The following CHRM3 variants were observed in gnomAD, a reference collection of about 807,000 sequenced individuals.
CHRM3 encodes muscarinic acetylcholine receptor M3.
Under a neutral mutation model 41.8 loss-of-function variants are expected in CHRM3, and 11 were observed. That is an observed-to-expected ratio of 0.26 (90% CI 0.17 to 0.44). CHRM3 has a LOEUF of 0.44. CHRM3 is among the 20% of genes least tolerant of loss of function. The pLI is 1.00. For missense variants in CHRM3, 571 were observed against 745.4 expected, an observed-to-expected ratio of 0.77 and a Z score of 2.72; for synonymous variants, 297 against 301.4, an observed-to-expected ratio of 0.99 and a Z score of 0.15.
intron 3 of CHRM3, among the ~76,000 whole-genome samples, chr1:239,571,315 T>A (rs1402379588): frequency 6.6e-6 from 1 of 152,046 alleles, no homozygotes; most frequent in African/African-American, 2.4e-5. Context: ...TGGGAAGTAT[T>A]TTAGCAAGGA....
intron 5 of CHRM3, among the ~76,000 whole-genome samples, chr1:239,735,880 G>A (rs1664352543): frequency 6.6e-6 from 1 of 152,008 alleles, no homozygotes; most frequent in South Asian, 2.1e-4. Flanking sequence ...GGTTTCCTTG[G>A]GGATACGTGG....
chr1:239,499,756 G>T (rs1187451799), intron 2 of CHRM3, among the ~76,000 whole-genome samples: 2 of 152,048 alleles, frequency 1.3e-5, no homozygotes, highest in Non-Finnish European at 2.9e-5. Context: ...GGAAAATAAA[G>T]GAAAACCTAT....
chr1:239,680,173 A>T (rs1410885520), intron 5 of CHRM3, among the ~76,000 whole-genome samples: 1 of 152,074 alleles, frequency 6.6e-6, no homozygotes, highest in African/African-American at 2.4e-5. Flanking sequence ...TGTCCTGTTC[A>T]ATCCGTGCTT....
intron 5 of CHRM3, among the ~76,000 whole-genome samples, chr1:239,701,257 G>C (rs574683970): frequency 6.6e-6 from 1 of 152,214 alleles, no homozygotes; most frequent in East Asian, 1.9e-4. Context: ...GGACTTTTTG[G>C]TCCTCGTTCT....
chr1:239,679,434 A>G (rs1474105614), intron 5 of CHRM3, among the ~76,000 whole-genome samples: 5 of 152,122 alleles, frequency 3.3e-5, no homozygotes, highest in African/African-American at 9.7e-5. Context: ...AGGTTTCTGT[A>G]CTTCCTTGGG....
intron 1 of CHRM3, among the ~76,000 whole-genome samples, chr1:239,472,262 AG>A (rs1173984922): frequency 6.6e-6 from 1 of 152,110 alleles, no homozygotes; most frequent in Non-Finnish European, 1.5e-5. Context: ...GGTACTGAGA[AG>A]TTTTCTATCA....
At chr1:239,742,889 A>G (rs907680742) in intron 5 of CHRM3, among the ~76,000 whole-genome samples, 1 of 152,162 alleles carries the variant, frequency 6.6e-6, no homozygotes, top group African/African-American at 2.4e-5. Context: ...TCTGTTTTCC[A>G]TTTTACTTAT....
At chr1:239,435,378 G>T (rs1340579188) in intron 1 of CHRM3, among the ~76,000 whole-genome samples, 1 of 151,722 alleles carries the variant, frequency 6.6e-6, no homozygotes, top group South Asian at 2.1e-4. Flanking sequence ...GAACCCGGGA[G>T]GCAGAGGTTG....
At chr1:239,564,055 ATG>A (rs1661128779) in intron 3 of CHRM3, among the ~76,000 whole-genome samples, 1 of 152,192 alleles carries the variant, frequency 6.6e-6, no homozygotes, top group South Asian at 2.1e-4. Context: ...TAATGAGACA[ATG>A]TGTGTATTTC....
chr1:239,623,367 G>GT (rs1245904384), intron 3 of CHRM3, among the ~76,000 whole-genome samples: 2 of 150,976 alleles, frequency 1.3e-5, no homozygotes, highest in East Asian at 2.0e-4. Flanking sequence ...GCAGTGTTTG[G>GT]TTTTTTGTCC....
chr1:239,741,420 G>A (rs1184822446), intron 5 of CHRM3, among the ~76,000 whole-genome samples: 1 of 152,140 alleles, frequency 6.6e-6, no homozygotes, highest in African/African-American at 2.4e-5. Flanking sequence ...AGGGTCTTAT[G>A]ACCTTCTTCA....
At chr1:239,518,922 A>G (rs1335240563) in intron 2 of CHRM3, among the ~76,000 whole-genome samples, 1 of 152,234 alleles carries the variant, frequency 6.6e-6, no homozygotes, top group Non-Finnish European at 1.5e-5. Context: ...AGTTTTATAC[A>G]TATATTTTTG....
intron 5 of CHRM3, among the ~76,000 whole-genome samples, chr1:239,816,941 C>T (rs1174982083): frequency 6.6e-6 from 1 of 152,002 alleles, no homozygotes; most frequent in African/African-American, 2.4e-5. Flanking sequence ...CCATGTTGAC[C>T]AGGCTGGTAT....
intron 1 of CHRM3, among the ~76,000 whole-genome samples, chr1:239,426,153 C>G (rs1572255525): frequency 2.3e-5 from 2 of 85,894 alleles, no homozygotes; most frequent in Admixed American, 1.2e-4. Flanking sequence ...CCCCTCCCCC[C>G]TCCCCCCACC....
At chr1:239,448,329 G>A (rs1664301942) in intron 1 of CHRM3, among the ~76,000 whole-genome samples, 1 of 152,062 alleles carries the variant, frequency 6.6e-6, no homozygotes, top group Admixed American at 6.5e-5. Context: ...TTTCTAGATT[G>A]GAGGAGTTTT....
rs201459234 is a variant in CHRM3, at chr1:239,855,616, C to CA, written c.-20+28239dup. Among the ~76,000 whole-genome samples the CA allele has an allele frequency of 3.6e-3, 549 of 152,044 alleles. 4 individuals are homozygous for CA. The highest frequency in any genetic ancestry group is 0.013 in the African/African-American group (528 of 41,496). ...ACATACCCAGAATGTATTGACAGGTCAGAGTCTGCTTATAGATTGATCAGT... is the reference window on the plus strand; with the variant it reads ...ACATACCCAGAATGTATTGACAGGTCAAGAGTCTGCTTATAGATTGATCAGT... On this transcript the variant is annotated intron_variant, in intron 6 of 6. Transcript: ENST00000676153.
Position 239,914,714 on chromosome 1 carries a change from G to C in CHRM3, c.*5490G>C, listed in dbSNP as rs1680552561. On this transcript the variant is annotated 3_prime_UTR_variant, in exon 7 of 7. Coordinates refer to ENST00000676153, the MANE Select transcript of CHRM3 (RefSeq NM_001375978.1). ...CCTTAGTAAAAGAAGTATCTGGAGG[G>C]CCTGGAGAGTTCATAAACATAGTTT... The C allele has an allele frequency of 6.0e-6, 1 of 167,032 alleles. No homozygotes were observed. The highest frequency in any genetic ancestry group is 2.4e-5 in the African/African-American group (1 of 41,434). The allele number at this position is 167,032 out of a possible 1,614,324, so 10.3% of individuals were successfully genotyped here.
intron 5 of CHRM3, among the ~76,000 whole-genome samples, chr1:239,776,058 C>A (rs528933573): frequency 6.6e-6 from 1 of 152,126 alleles, no homozygotes. Flanking sequence ...TTTGTTTCTT[C>A]TTTTCTATTT....
chr1:239,765,097 T>C (rs1270285770), intron 5 of CHRM3, among the ~76,000 whole-genome samples: 2 of 152,208 alleles, frequency 1.3e-5, no homozygotes, highest in African/African-American at 4.8e-5. Flanking sequence ...TAATTCCTAA[T>C]TTTAGAGATG....
Sources: gnomAD v4.1 joint callset for allele counts (sites outside exome capture counted in the v4.1 genomes callset) on GRCh38, gnomAD v4.1.1 for gene constraint, MANE v1.5 for transcripts, NCBI Gene and HGNC (gene_info 2026-07-23, HGNC 2026-07-21) for gene names.